The following EPC1 variants were observed in gnomAD, a reference collection of about 807,000 sequenced individuals.
The protein encoded by EPC1 is enhancer of polycomb homolog 1.
EPC1 carries 12 observed loss-of-function variants against 98.4 expected under a neutral mutation model. The ratio of observed to expected loss-of-function variants is 0.12; its 90% confidence interval spans 0.08 to 0.20. The LOEUF is 0.20. Ranked by LOEUF, EPC1 falls within the 10% of genes least tolerant of loss-of-function variation. The probability of loss-of-function intolerance (pLI) is 1.00; values close to 1 mark genes in which losing one functional copy is unlikely to be tolerated. For missense variants in EPC1, 729 were observed against 990.5 expected, an observed-to-expected ratio of 0.74 and a Z score of 3.54; for synonymous variants, 357 against 363.9, an observed-to-expected ratio of 0.98 and a Z score of 0.21.
intron 13 of EPC1, 33 bp from the exon 14 acceptor site, chr10:32,269,168 T>C: frequency 6.4e-7 from 1 of 1,562,560 alleles, no homozygotes; most frequent in East Asian, 2.2e-5. Flanking sequence ...ATTACTTATC[T>C]ACAACATAAA....
intron 1 of EPC1, among the ~76,000 whole-genome samples, chr10:32,374,796 C>T (rs188045709): frequency 1.8e-3 from 269 of 151,868 alleles, no homozygotes; most frequent in Middle Eastern, 3.4e-3. Context: ...GAATCCTTGC[C>T]TCTTTTGCTT....
intron 1 of EPC1, among the ~76,000 whole-genome samples, chr10:32,366,497 G>A (rs1379355205): frequency 6.6e-6 from 1 of 152,084 alleles, no homozygotes; most frequent in Non-Finnish European, 1.5e-5. Context: ...TTATGATATT[G>A]AAGAATGAAG....
intron 1 of EPC1, among the ~76,000 whole-genome samples, chr10:32,364,907 ATTTTTT>A (rs5784286): frequency 2.9e-5 from 4 of 139,862 alleles, no homozygotes; most frequent in Non-Finnish European, 3.1e-5. Context: ...TTTTTTCATG[ATTTTTT>A]TTTTTTTTTT....
intron 1 of EPC1, among the ~76,000 whole-genome samples, chr10:32,355,087 C>A (rs1316525551): frequency 1.3e-5 from 2 of 152,136 alleles, no homozygotes; most frequent in South Asian, 4.1e-4. Context: ...ATAGGGGGAG[C>A]ACTCCCTCCC....
chr10:32,297,282 C>CTTT (rs555311885), intron 2 of EPC1, among the ~76,000 whole-genome samples: 30 of 135,348 alleles, frequency 2.2e-4, no homozygotes, highest in African/African-American at 4.7e-4. Context: ...GTTAATAATT[C>CTTT]TTTTTTTTTT....
intron 5 of EPC1, chr10:32,291,849 C>T (rs1289723213): frequency 6.6e-6 from 1 of 152,118 alleles, no homozygotes; most frequent in Non-Finnish European, 1.5e-5. Context: ...ATAGCTTTAT[C>T]ATGGCATATA....
chr10:32,332,185 G>A (rs927914065), intron 1 of EPC1, among the ~76,000 whole-genome samples: 9 of 152,214 alleles, frequency 5.9e-5, no homozygotes, highest in African/African-American at 2.2e-4. Context: ...CAAAAGTGCT[G>A]TGTTAGGGCT....
At chr10:32,329,912 C>A (rs1837537963) in intron 1 of EPC1, among the ~76,000 whole-genome samples, 1 of 152,138 alleles carries the variant, frequency 6.6e-6, no homozygotes, top group Non-Finnish European at 1.5e-5. Flanking sequence ...AGGAAGTGAC[C>A]TTGAGCTGAG....
At chr10:32,312,897 G>A (rs1836332100) in intron 1 of EPC1, among the ~76,000 whole-genome samples, 1 of 152,136 alleles carries the variant, frequency 6.6e-6, no homozygotes, top group East Asian at 1.9e-4. Flanking sequence ...TAGGAAATGA[G>A]TTCTGTGTTT....
intron 1 of EPC1, 79 bp downstream of exon 1, chr10:32,346,684 G>A: frequency 1.4e-6 from 2 of 1,406,050 alleles, no homozygotes; most frequent in East Asian, 2.3e-5. Context: ...ATTTTGTGTG[G>A]GTTTGCTGCT....
chr10:32,343,540 C>T (rs1354920588), intron 1 of EPC1, among the ~76,000 whole-genome samples: 2 of 152,176 alleles, frequency 1.3e-5, no homozygotes, highest in Non-Finnish European at 2.9e-5. Context: ...TAGCAAATTT[C>T]GATGCATTAC....
chr10:32,352,667 A>G (rs191550081), intron 1 of EPC1, among the ~76,000 whole-genome samples: 6 of 152,230 alleles, frequency 3.9e-5, no homozygotes, highest in African/African-American at 9.6e-5. Context: ...CTGAGCTCCT[A>G]TTATGCTTTC....
chr10:32,279,538 T>C (rs1025864647), intron 10 of EPC1, among the ~76,000 whole-genome samples: 15 of 152,166 alleles, frequency 9.9e-5, no homozygotes, highest in African/African-American at 3.6e-4. Flanking sequence ...ACTTGGAACA[T>C]ATCATTCTAA....
At chr10:32,316,647 G>T (rs908313654) in intron 1 of EPC1, among the ~76,000 whole-genome samples, 9 of 152,208 alleles carry the variant, frequency 5.9e-5, no homozygotes, top group African/African-American at 1.9e-4. Context: ...TTCCCTCTGG[G>T]AAGTGGAGGC....
chr10:32,277,608 G>A (rs1005844944), intron 10 of EPC1, among the ~76,000 whole-genome samples: 2 of 152,072 alleles, frequency 1.3e-5, no homozygotes, highest in Non-Finnish European at 2.9e-5. Flanking sequence ...TGCCTAAGCT[G>A]GAGTGCAGTG....
At chr10:32,299,127 CTT>C (rs1835344602) in intron 2 of EPC1, among the ~76,000 whole-genome samples, 1 of 152,122 alleles carries the variant, frequency 6.6e-6, no homozygotes, top group South Asian at 2.1e-4. Flanking sequence ...CAGGCTCACT[CTT>C]TATTTTTTCA....
chr10:32,327,805 G>A (rs1043821665), intron 1 of EPC1, among the ~76,000 whole-genome samples: 2 of 152,120 alleles, frequency 1.3e-5, no homozygotes, highest in Non-Finnish European at 2.9e-5. Context: ...ACATGGAAAA[G>A]GTACAGTAAG....
intron 8 of EPC1, 31 bp downstream of exon 8, chr10:32,286,895 T>TTGTTATTTACAAAGACACTC: frequency 6.2e-7 from 1 of 1,609,722 alleles, no homozygotes; most frequent in Non-Finnish European, 8.5e-7. Flanking sequence ...GGTAAATAGT[T>TTGTTATTTACAAAGACACTC]TGTTATTTAC....
intron 1 of EPC1, among the ~76,000 whole-genome samples, chr10:32,376,046 G>A (rs976030279): frequency 6.6e-6 from 1 of 151,968 alleles, no homozygotes; most frequent in Non-Finnish European, 1.5e-5. Context: ...ATATAAAATA[G>A]TGAACTGTTT....
Sources: allele counts gnomAD v4.1 joint callset (sites outside exome capture counted in the v4.1 genomes callset), GRCh38; gene constraint gnomAD v4.1.1; transcripts MANE v1.5; gene names NCBI Gene and HGNC (gene_info 2026-07-23, HGNC 2026-07-21).